Variants in RSPO2 observed in about 807,000 individuals in gnomAD.
RSPO2 encodes R-spondin-2.
RSPO2 carries 14 observed loss-of-function variants against 30.9 expected under a neutral mutation model. That is an observed-to-expected ratio of 0.45 (90% confidence interval 0.30 to 0.71). RSPO2 has a LOEUF of 0.71. RSPO2 is among the 30% of genes least tolerant of loss of function. The probability of loss-of-function intolerance (pLI) is 0.08; values close to 1 mark genes in which losing one functional copy is unlikely to be tolerated. For synonymous variants in RSPO2, 107 were observed against 96.4 expected, an observed-to-expected ratio of 1.11 and a Z score of -0.64; for missense variants, 264 against 301.9, an observed-to-expected ratio of 0.87 and a Z score of 0.93.
chr8:108,048,901 T>C (rs958791342), intron 2 of RSPO2, among the ~76,000 whole-genome samples: 2 of 152,204 alleles, frequency 1.3e-5, no homozygotes, highest in African/African-American at 4.8e-5. Context: ...AGAACATCTT[T>C]ATTTCTGCCT....
intron 3 of RSPO2, among the ~76,000 whole-genome samples, chr8:107,973,135 T>C (rs1378630882): frequency 6.6e-6 from 1 of 151,908 alleles, no homozygotes; most frequent in Non-Finnish European, 1.5e-5. Flanking sequence ...CTGGGCATGG[T>C]GGCAGGCACC....
At chr8:107,973,116 A>T (rs547048154) in intron 3 of RSPO2, among the ~76,000 whole-genome samples, 1 of 152,178 alleles carries the variant, frequency 6.6e-6, no homozygotes, top group South Asian at 2.1e-4. Flanking sequence ...TAAAAATACA[A>T]AAAATTAGCT....
chr8:108,015,650 A>T (rs1353991113), intron 2 of RSPO2, among the ~76,000 whole-genome samples: 1 of 150,292 alleles, frequency 6.7e-6, no homozygotes, highest in Non-Finnish European at 1.5e-5. Context: ...TCTGATCTTA[A>T]GTCAGATTAG....
Position 107,979,359 on chromosome 8 carries a change from G to T in RSPO2, c.283+9697C>A, listed in dbSNP as rs1007938315. 4.9e-4 allele frequency among the ~76,000 whole-genome samples: 74 copies of T among 152,208 alleles called. 1 individual carries two copies. The highest frequency in any genetic ancestry group is 1.6e-3 in the African/African-American group (66 of 41,538). ...TGGAATACTATGCAGCCATAAAAAAGGATGAGTTCATGTCCTTTGTAGGGA... is the reference window on the plus strand; with the variant it reads ...TGGAATACTATGCAGCCATAAAAAATGATGAGTTCATGTCCTTTGTAGGGA... On this transcript the variant is annotated intron_variant, in intron 3 of 5. Coordinates refer to ENST00000276659, the MANE Select transcript of RSPO2 (RefSeq NM_178565.5).
At chr8:108,061,361 C>CA (rs1462709857) in intron 2 of RSPO2, among the ~76,000 whole-genome samples, 1 of 150,934 alleles carries the variant, frequency 6.6e-6, no homozygotes, top group Non-Finnish European at 1.5e-5. Flanking sequence ...AAATGGAAAA[C>CA]AAAAAAAGGA....
At chr8:108,024,831 G>A (rs1416478599) in intron 2 of RSPO2, among the ~76,000 whole-genome samples, 3 of 152,200 alleles carry the variant, frequency 2.0e-5, no homozygotes, top group South Asian at 2.1e-4. Flanking sequence ...ACCAGCTTGC[G>A]TGACATGGAA....
intron 5 of RSPO2, among the ~76,000 whole-genome samples, chr8:107,917,093 G>A (rs1220576804): frequency 3.3e-5 from 5 of 152,254 alleles, no homozygotes; most frequent in Non-Finnish European, 7.4e-5. Context: ...AAAGAAAGAG[G>A]AGAGAGAAGG....
intron 5 of RSPO2, among the ~76,000 whole-genome samples, chr8:107,944,564 C>A (rs1403279467): frequency 6.6e-6 from 1 of 151,976 alleles, no homozygotes; most frequent in African/African-American, 2.4e-5. Flanking sequence ...TATACCATAA[C>A]ACAAAAAAAA....
At chr8:108,077,430 G>A (rs1221171515) in intron 2 of RSPO2, among the ~76,000 whole-genome samples, 1 of 151,888 alleles carries the variant, frequency 6.6e-6, no homozygotes, top group Non-Finnish European at 1.5e-5. Flanking sequence ...GTGGAAGGTG[G>A]GCTTTGGAAA....
At chr8:107,988,988 T>C in intron 3 of RSPO2, 68 bp downstream of exon 3, 2 of 1,365,492 alleles carry the variant, frequency 1.5e-6, no homozygotes, top group South Asian at 1.4e-5. Flanking sequence ...TCATTCAAAA[T>C]CTTCAACTTA....
At chr8:108,064,315 A>G (rs920415945) in intron 2 of RSPO2, among the ~76,000 whole-genome samples, 3 of 151,846 alleles carry the variant, frequency 2.0e-5, no homozygotes, top group Non-Finnish European at 2.9e-5. Context: ...ATCTACAAAA[A>G]AAACAAATTT....
chr8:107,915,142 G>A (rs1811940357), intron 5 of RSPO2, among the ~76,000 whole-genome samples: 1 of 152,102 alleles, frequency 6.6e-6, no homozygotes, highest in Non-Finnish European at 1.5e-5. Context: ...AACACATCTG[G>A]GCATATTGGT....
At chr8:107,987,803 A>G (rs1303911826) in intron 3 of RSPO2, among the ~76,000 whole-genome samples, 1 of 152,188 alleles carries the variant, frequency 6.6e-6, no homozygotes, top group Non-Finnish European at 1.5e-5. Context: ...TGGTTGATGT[A>G]ATTCAAACTC....
chr8:107,921,620 G>C (rs897598773), intron 5 of RSPO2, among the ~76,000 whole-genome samples: 6 of 151,940 alleles, frequency 3.9e-5, no homozygotes, highest in African/African-American at 1.5e-4. Context: ...TATGGGGCCA[G>C]CACCATCCTG....
At chr8:107,962,054 A>G (rs1813644690) in intron 3 of RSPO2, among the ~76,000 whole-genome samples, 1 of 152,224 alleles carries the variant, frequency 6.6e-6, no homozygotes, top group South Asian at 2.1e-4. Flanking sequence ...TATTACTTGT[A>G]ACAGTTTTAA....
At chr8:107,933,718 TAAA>T (rs1164980273) in intron 5 of RSPO2, among the ~76,000 whole-genome samples, 1 of 152,200 alleles carries the variant, frequency 6.6e-6, no homozygotes, top group Non-Finnish European at 1.5e-5. Flanking sequence ...GAACAGAAGC[TAAA>T]ACTATCATTG....
At chr8:107,922,726 A>T (rs1308420089) in intron 5 of RSPO2, among the ~76,000 whole-genome samples, 1 of 152,176 alleles carries the variant, frequency 6.6e-6, no homozygotes, top group Non-Finnish European at 1.5e-5. Context: ...TGCAAACAAC[A>T]TGGTACTGGT....
At chr8:107,931,992 C>T (rs1427514972) in intron 5 of RSPO2, among the ~76,000 whole-genome samples, 1 of 152,054 alleles carries the variant, frequency 6.6e-6, no homozygotes, top group Non-Finnish European at 1.5e-5. Context: ...AGAATAAATG[C>T]AATGTATGTT....
intron 2 of RSPO2, among the ~76,000 whole-genome samples, chr8:108,019,399 T>C (rs1281684802): frequency 2.0e-5 from 3 of 150,896 alleles, no homozygotes; most frequent in African/African-American, 4.9e-5. Flanking sequence ...AATTCACACA[T>C]ACACACACAC....
Sources: allele counts gnomAD v4.1 joint callset (sites outside exome capture counted in the v4.1 genomes callset), GRCh38; gene constraint gnomAD v4.1.1; transcripts MANE v1.5; gene names NCBI Gene and HGNC (gene_info 2026-07-23, HGNC 2026-07-21).